The following THSD7B variants were observed in gnomAD, a reference collection of about 807,000 sequenced individuals.
The protein encoded by THSD7B is thrombospondin type 1 domain containing 7B, also known as thrombospondin type-1 domain-containing protein 7B.
Under a neutral mutation model 213.6 loss-of-function variants are expected in THSD7B, and 138 were observed. The ratio of observed to expected loss-of-function variants is 0.65; its 90% CI spans 0.56 to 0.74. THSD7B has a LOEUF of 0.74. THSD7B is among the 30% of genes least tolerant of loss of function. THSD7B has a pLI of 0.00. For missense variants in THSD7B, 1,931 were observed against 1,991.5 expected (o/e 0.97, Z 0.58); for synonymous variants, 742 against 687.0 (o/e 1.08, Z -1.25).
chr2:136,807,508 C>CTTTTTTTTTTT (rs1314267493), intron 1 of THSD7B, among the ~76,000 whole-genome samples: 1,372 of 49,356 alleles, frequency 0.028, 114 homozygotes, highest in African/African-American at 0.11. Flanking sequence ...CAAAATGTTT[C>CTTTTTTTTTTT]GTTTTTTTTT....
chr2:137,534,139 C>T (rs538009629), intron 15 of THSD7B, among the ~76,000 whole-genome samples: 40 of 151,616 alleles, frequency 2.6e-4, no homozygotes, highest in Admixed American at 2.2e-3. Context: ...CTTTCCATTT[C>T]CCCTTTTGCC....
intron 7 of THSD7B, among the ~76,000 whole-genome samples, chr2:137,218,057 A>G (rs972825283): frequency 6.6e-6 from 1 of 152,200 alleles, no homozygotes; most frequent in Non-Finnish European, 1.5e-5. Context: ...AATGTTCTTA[A>G]ATTGCTTCCA....
chr2:137,558,144 G>A (rs1425792647), intron 15 of THSD7B, among the ~76,000 whole-genome samples: 4 of 152,170 alleles, frequency 2.6e-5, no homozygotes, highest in South Asian at 4.1e-4. Context: ...ACAAGGAGGA[G>A]CTGGTACCAT....
intron 14 of THSD7B, among the ~76,000 whole-genome samples, chr2:137,448,836 C>CAACAAA (rs765115799): frequency 0.054 from 7,962 of 147,558 alleles, 535 homozygotes; most frequent in African/African-American, 0.15. Flanking sequence ...ACAACAACAA[C>CAACAAA]AAAAACTACC....
At chr2:137,586,408 TTGA>T (rs1473916079) in intron 17 of THSD7B, among the ~76,000 whole-genome samples, 2 of 152,002 alleles carry the variant, frequency 1.3e-5, no homozygotes, top group East Asian at 3.9e-4. Context: ...TGCCCATTAG[TTGA>T]TGCAATTTCT....
At chr2:136,779,175 G>A (rs902620682) in intron 1 of THSD7B, among the ~76,000 whole-genome samples, 4 of 148,790 alleles carry the variant, frequency 2.7e-5, no homozygotes, top group South Asian at 2.1e-4. Context: ...TTGGGGACAC[G>A]TGTTAAAAGG....
chr2:136,941,462 A>G (rs1684825904), intron 2 of THSD7B, among the ~76,000 whole-genome samples: 1 of 152,034 alleles, frequency 6.6e-6, no homozygotes, highest in African/African-American at 2.4e-5. Context: ...ACTAATTTAC[A>G]CTCCCAGCAA....
intron 10 of THSD7B, among the ~76,000 whole-genome samples, chr2:137,251,474 C>T (rs981321177): frequency 2.0e-5 from 3 of 152,182 alleles, no homozygotes; most frequent in Non-Finnish European, 2.9e-5. Context: ...TCATTTCCCA[C>T]TCGTGCTTCA....
intron 14 of THSD7B, among the ~76,000 whole-genome samples, chr2:137,450,483 T>C (rs1393714851): frequency 1.3e-5 from 2 of 152,204 alleles, no homozygotes; most frequent in East Asian, 1.9e-4. Flanking sequence ...TGGACTCTTT[T>C]ATAATCCCTC....
Position 137,615,378 on chromosome 2 carries a change from T to C in THSD7B, c.3424-797T>C, listed in dbSNP as rs1294782749. Reference sequence around the variant, plus strand: ...CAGGAGTGAGGCTTGATTAGTGTTCTGAAAACGGTGAATAGGATTTGGAGG... The same window carrying C: ...CAGGAGTGAGGCTTGATTAGTGTTCCGAAAACGGTGAATAGGATTTGGAGG... On this transcript the variant is annotated intron_variant, in intron 17 of 27. Coordinates refer to ENST00000409968, the MANE Select transcript of THSD7B (RefSeq NM_001316349.2). Among the ~76,000 whole-genome samples the C allele has an allele frequency of 2.0e-5, 3 of 152,306 alleles. No homozygotes were observed. In the East Asian group the frequency reaches 5.8e-4, roughly 29 times the overall value.
At chr2:137,319,604 A>G (rs759262856) in intron 12 of THSD7B, among the ~76,000 whole-genome samples, 1 of 152,224 alleles carries the variant, frequency 6.6e-6, no homozygotes, top group Non-Finnish European at 1.5e-5. Context: ...AAAGCACTGA[A>G]AAGATGTTAT....
At chr2:136,869,286 A>T (rs1683392392) in intron 1 of THSD7B, among the ~76,000 whole-genome samples, 1 of 152,240 alleles carries the variant, frequency 6.6e-6, no homozygotes, top group African/African-American at 2.4e-5. Flanking sequence ...CAGATAATTC[A>T]GAGACTCAAA....
At chr2:136,996,321 CTTTCTTTTTCTTTT>C (rs1402707242) in intron 2 of THSD7B, among the ~76,000 whole-genome samples, 1 of 148,570 alleles carries the variant, frequency 6.7e-6, no homozygotes, top group East Asian at 2.0e-4. Context: ...CTCTTTCTTT[CTTTCTTTTTCTTTT>C]TTTCTTTTTT....
chr2:136,850,531 A>G (rs1290887187), intron 1 of THSD7B, among the ~76,000 whole-genome samples: 1 of 152,020 alleles, frequency 6.6e-6, no homozygotes, highest in Non-Finnish European at 1.5e-5. Context: ...GCAGCTTGTA[A>G]GAGTTTCTTG....
At chr2:136,953,475 A>G (rs1165030974) in intron 2 of THSD7B, among the ~76,000 whole-genome samples, 4 of 152,212 alleles carry the variant, frequency 2.6e-5, no homozygotes, top group African/African-American at 9.6e-5. Flanking sequence ...AGAATTATAT[A>G]TCCTTATACT....
At chr2:137,652,228 T>C (rs1683153553) in intron 21 of THSD7B, among the ~76,000 whole-genome samples, 1 of 152,058 alleles carries the variant, frequency 6.6e-6, no homozygotes, top group Non-Finnish European at 1.5e-5. Context: ...CTTTATATAC[T>C]TGGGAAGTCC....
chr2:137,443,320 C>A (rs1687459898), intron 14 of THSD7B, among the ~76,000 whole-genome samples: 1 of 152,058 alleles, frequency 6.6e-6, no homozygotes, highest in African/African-American at 2.4e-5. Context: ...TTAGTTGTGG[C>A]AAGTGAACCA....
At chr2:137,610,681 C>T (rs1682272191) in intron 17 of THSD7B, among the ~76,000 whole-genome samples, 1 of 152,084 alleles carries the variant, frequency 6.6e-6, no homozygotes, top group African/African-American at 2.4e-5. Context: ...CAGACACCAA[C>T]CTAACTCCAT....
chr2:137,325,101 C>T (rs1232378626), intron 12 of THSD7B, among the ~76,000 whole-genome samples: 3 of 152,214 alleles, frequency 2.0e-5, no homozygotes, highest in Non-Finnish European at 2.9e-5. Context: ...ACTGGACAGG[C>T]GGCCACAGGT....
Sources: gnomAD v4.1 joint callset for allele counts (sites outside exome capture counted in the v4.1 genomes callset) on GRCh38, gnomAD v4.1.1 for gene constraint, MANE v1.5 for transcripts, NCBI Gene and HGNC (gene_info 2026-07-23, HGNC 2026-07-21) for gene names.